The following TAF4 variants were observed in gnomAD, a reference collection of about 807,000 sequenced individuals.
TAF4 encodes TATA-box binding protein associated factor 4.
A neutral mutation model predicts 90.3 loss-of-function variants in TAF4; 9 were observed. That is an observed-to-expected ratio of 0.10 (90% CI 0.06 to 0.17). The LOEUF (loss-of-function observed/expected upper bound fraction) is 0.17, where lower values mean the gene tolerates loss of function less well. Among genes scored for constraint, TAF4 ranks in the 10% least tolerant of loss-of-function variants. The pLI is 1.00. For missense variants in TAF4, 1,351 were observed against 1,370.7 expected (o/e 0.99, Z 0.23); for synonymous variants, 818 against 638.9 (o/e 1.28, Z -4.23).
chr20:62,046,036 C>T (rs890770310), intron 1 of TAF4, among the ~76,000 whole-genome samples: 1 of 152,214 alleles, frequency 6.6e-6, no homozygotes, highest in Admixed American at 6.5e-5. Context: ...GGCTGTTTCC[C>T]GCCAGGCCGC....
intron 6 of TAF4, chr20:62,007,075 A>G (rs942547893): frequency 1.3e-5 from 4 of 306,224 alleles, no homozygotes; most frequent in South Asian, 1.4e-4. Context: ...ACACATGGAA[A>G]TAAGTACTCA....
chr20:61,997,774 C>A, intron 13 of TAF4, 105 bp from the exon 14 acceptor site: 1 of 1,372,670 alleles, frequency 7.3e-7, no homozygotes. Context: ...TTTTCTAAAT[C>A]ATAACTTCTT....
Position 62,064,536 on chromosome 20 carries a change from G to T in TAF4, c.1275C>A (p.Ala425=). ...TPTATTSGIR[A]TLTPTVLAPR... ...GGGCCAGCACGGTGGGCGTCAGGGTGGCCCGAATCCCGCTGGTGGTGGCCG... is the reference window on the plus strand; with the variant it reads ...GGGCCAGCACGGTGGGCGTCAGGGTTGCCCGAATCCCGCTGGTGGTGGCCG... Residue 425 remains alanine (A), a synonymous_variant, in exon 1 of 15, where the codon GCC becomes GCA. Coordinates refer to ENST00000252996, the MANE Select transcript of TAF4 (RefSeq NM_003185.4). 6.5e-7 allele frequency: 1 copy of T among 1,529,042 alleles called. No homozygotes were observed. Among genetic ancestry groups the T allele is most frequent in the Non-Finnish European group, 8.8e-7 (1 of 1,142,488 alleles). The allele number at this position is 1,529,042 out of a possible 1,614,324, so 94.7% of individuals were successfully genotyped here.
chr20:61,999,761 C>T (rs565344346), intron 11 of TAF4, among the ~76,000 whole-genome samples: 25 of 152,336 alleles, frequency 1.6e-4, no homozygotes, highest in South Asian at 1.2e-3. Flanking sequence ...GCCTGGGCTA[C>T]ATCGCGAGTC....
intron 1 of TAF4, among the ~76,000 whole-genome samples, chr20:62,027,285 C>G (rs190924995): frequency 2.0e-4 from 30 of 152,330 alleles, no homozygotes; most frequent in African/African-American, 6.7e-4. Flanking sequence ...GGTGCAAACC[C>G]TAAACGGGCA....
intron 1 of TAF4, among the ~76,000 whole-genome samples, chr20:62,042,043 C>T (rs774703859): frequency 4.5e-4 from 68 of 152,176 alleles, no homozygotes; most frequent in Non-Finnish European, 7.9e-4. Context: ...ACCCTCAAGC[C>T]TGGACACCTG....
intron 1 of TAF4, among the ~76,000 whole-genome samples, chr20:62,052,573 TC>T (rs2056035423): frequency 6.6e-6 from 1 of 151,200 alleles, no homozygotes; most frequent in Admixed American, 6.6e-5. Flanking sequence ...CACTAGAATG[TC>T]CCCGCCCAGG....
At chr20:61,982,623 G>C (rs111770809) in intron 14 of TAF4, among the ~76,000 whole-genome samples, 1,166 of 24,332 alleles carry the variant, frequency 0.048, no homozygotes, top group African/African-American at 0.056. Flanking sequence ...ACACCCACCC[G>C]AGAGGAGACA....
At chr20:61,998,236 A>C in intron 12 of TAF4, 44 bp from the exon 13 acceptor site, 1 of 1,578,234 alleles carries the variant, frequency 6.3e-7, no homozygotes, top group Non-Finnish European at 8.7e-7. Context: ...TTATGAACTA[A>C]ATGTTTATCA....
intron 1 of TAF4, among the ~76,000 whole-genome samples, chr20:62,028,801 C>CT (rs1316021538): frequency 6.6e-6 from 1 of 152,202 alleles, no homozygotes; most frequent in Non-Finnish European, 1.5e-5. Context: ...CCATAAAGCA[C>CT]CTGCCTAAGC....
At chr20:62,003,609 A>G (rs1194768566) in intron 8 of TAF4, 122 bp downstream of exon 8, 16 of 1,137,274 alleles carry the variant, frequency 1.4e-5, no homozygotes, top group Non-Finnish European at 1.9e-5. Context: ...ACTGAACTAG[A>G]TACTTAAAAT....
chr20:62,003,139 G>A (rs766599686), intron 9 of TAF4, 21 bp downstream of exon 9: 22 of 1,599,218 alleles, frequency 1.4e-5, no homozygotes, highest in Admixed American at 6.7e-5. Context: ...CTTCTCCAAC[G>A]TACACAGGCC....
chr20:62,056,244 A>C (rs929642843), intron 1 of TAF4, among the ~76,000 whole-genome samples: 4 of 152,232 alleles, frequency 2.6e-5, no homozygotes, highest in Non-Finnish European at 4.4e-5. Context: ...CTCGAAAAAA[A>C]AGAAAAAAAC....
chr20:62,031,065 G>C (rs935020243), intron 1 of TAF4, among the ~76,000 whole-genome samples: 3 of 152,228 alleles, frequency 2.0e-5, no homozygotes, highest in Admixed American at 6.5e-5. Flanking sequence ...AAAGGCTTCT[G>C]TTGAAAACAC....
At chr20:61,992,575 T>C (rs2055638087) in intron 14 of TAF4, among the ~76,000 whole-genome samples, 3 of 151,844 alleles carry the variant, frequency 2.0e-5, no homozygotes, top group Admixed American at 6.6e-5. Context: ...ACTACCTGAA[T>C]TGGAAATACC....
chr20:61,982,733 T>C (rs61589825), intron 14 of TAF4, among the ~76,000 whole-genome samples: 5 of 113,682 alleles, frequency 4.4e-5, no homozygotes, highest in Admixed American at 9.8e-5. Context: ...CCAAACCCAA[T>C]GCACTGCGAG....
chr20:62,065,663 C>T lies in TAF4; in HGVS notation c.148G>A (p.Val50Met), dbSNP rs1796329009. The change falls in exon 1 of 15, where the codon GTG becomes ATG. Residue 50 changes from valine to methionine, a missense_variant. Transcript: ENST00000252996. ...HHHLAPRTPE[V>M]RAAAAGALGN... ...AGCGCGCCGGCGGCCGCGGCCCGCA[C>T]CTCGGGCGTGCGCGGCGCGAGGTGG... is the stretch of plus-strand genomic sequence containing the variant. 1 of 1,114,946 alleles carries T rather than the reference C, an allele frequency of 9.0e-7. No individual in the cohort carries two copies. The highest frequency in any genetic ancestry group is 2.9e-5 in the South Asian group (1 of 34,114). 69.1% of individuals were successfully genotyped at this position (1,114,946 alleles called of 1,614,324 possible).
intron 1 of TAF4, among the ~76,000 whole-genome samples, chr20:62,034,729 A>T (rs1457228826): frequency 6.6e-6 from 1 of 152,250 alleles, no homozygotes; most frequent in African/African-American, 2.4e-5. Flanking sequence ...TAAGACCTAT[A>T]TGAAAAAGAC....
At chr20:61,988,836 C>T (rs1468172839) in intron 14 of TAF4, among the ~76,000 whole-genome samples, 3 of 152,170 alleles carry the variant, frequency 2.0e-5, no homozygotes, top group Non-Finnish European at 2.9e-5. Context: ...CCCCACACCC[C>T]GGCCCTTCTC....
Sources: gnomAD v4.1 joint callset for allele counts (sites outside exome capture counted in the v4.1 genomes callset) on GRCh38, gnomAD v4.1.1 for gene constraint, MANE v1.5 for transcripts, NCBI Gene and HGNC (gene_info 2026-07-23, HGNC 2026-07-21) for gene names.